CCAR2: variants seen among roughly 807,000 people sequenced by gnomAD.
CCAR2 encodes the protein cell cycle and apoptosis regulator 2.
Under a neutral mutation model 108.1 loss-of-function variants are expected in CCAR2, and 21 were observed. The ratio of observed to expected loss-of-function variants is 0.19; its 90% CI spans 0.14 to 0.28. The LOEUF is 0.28. Among genes scored for constraint, CCAR2 ranks in the 10% least tolerant of loss-of-function variants. CCAR2 has a pLI of 1.00. For synonymous variants in CCAR2, 577 were observed against 472.8 expected, an observed-to-expected ratio of 1.22 and a Z score of -2.86; for missense variants, 1,126 against 1,177.0, an observed-to-expected ratio of 0.96 and a Z score of 0.63.
chr8:22,605,381 A>G (rs1422650424), intron 1 of CCAR2: 1 of 178,868 alleles, frequency 5.6e-6, no homozygotes, highest in African/African-American at 2.4e-5. Context: ...GTGGCGTGGC[A>G]TAGTGAGAGG....
chr8:22,618,569 C>T (rs1801616476), intron 17 of CCAR2, 48 bp from the exon 18 acceptor site: 1 of 1,613,918 alleles, frequency 6.2e-7, no homozygotes, highest in Non-Finnish European at 8.5e-7. Context: ...CCGCCCATGG[C>T]CAGGGTCGGG....
In CCAR2 at chr8:22,618,332, CTTTGT is replaced by C; in HGVS notation, c.2074-13_2074-9del. 2 of 1,614,154 alleles carry C rather than the reference CTTTGT, an allele frequency of 1.2e-6. No homozygotes were observed. The highest frequency in any genetic ancestry group is 1.7e-6 in the Non-Finnish European group (2 of 1,179,978). ...GGAACTATTTGCAAATCCTGCTCAT[CTTTGT>C]TTTCTTTGCAGCCCAAGGAGCTGGA... On this transcript the variant is annotated splice_polypyrimidine_tract_variant and intron_variant, in intron 16 of 20. Coordinates refer to ENST00000308511, the MANE Select transcript of CCAR2 (RefSeq NM_001393997.1).
chr8:22,618,286 C>G lies in CCAR2; in HGVS notation c.2074-63C>G, dbSNP rs920664943. On this transcript the variant is annotated intron_variant, in intron 16 of 20. Coordinates refer to ENST00000308511, the MANE Select transcript of CCAR2 (RefSeq NM_001393997.1). Reference sequence around the variant, plus strand: ...CACTGGATTCTGGACAGGCTGAATCCTGGGCGATAGAGCCACTGAGGGAAC... The same window carrying G: ...CACTGGATTCTGGACAGGCTGAATCGTGGGCGATAGAGCCACTGAGGGAAC... 6 of 1,606,438 alleles carry G rather than the reference C, an allele frequency of 3.7e-6. No individual in the cohort carries two copies. In the Admixed American group the frequency reaches 8.3e-5, roughly 22 times the overall value.
chr8:22,619,490 G>C (rs185276424), intron 20 of CCAR2, 135 bp downstream of exon 20: 913 of 1,402,718 alleles, frequency 6.5e-4, no homozygotes, highest in Admixed American at 1.5e-3. Context: ...TCGCTTGCCA[G>C]GCAGTGTGCC....
At chr8:22,618,090 GTT>G in intron 16 of CCAR2, 2 of 595,578 alleles carry the variant, frequency 3.4e-6, no homozygotes, top group South Asian at 4.1e-5. Flanking sequence ...TTGATGTTTT[GTT>G]TTTTAGAGAC....
Position 22,616,187 on chromosome 8 carries a change from T to G in CCAR2, c.1784T>G (p.Val595Gly). 1 of 1,613,604 alleles carries G rather than the reference T, an allele frequency of 6.2e-7. No homozygotes were observed. Among genetic ancestry groups the G allele is most frequent in the Non-Finnish European group, 8.5e-7 (1 of 1,179,912 alleles). Residue 595 changes from valine to glycine, a missense_variant, in exon 14 of 21, where the codon GTC becomes GGC. By Grantham distance (109) the Val-to-Gly change is moderately radical. Transcript: ENST00000308511. ...KEEEAIKEEV[V>G]KEPKDEAQNE... ...GAAGAAGCCATCAAAGAGGAGGTGG[T>G]CAAGGAGCCCAAGGATGAGGCACAG...
intron 16 of CCAR2, 33 bp downstream of exon 16, chr8:22,617,811 G>C (rs1801586666): frequency 2.5e-6 from 4 of 1,608,666 alleles, no homozygotes; most frequent in East Asian, 2.2e-5. Flanking sequence ...CTGGGTCTCA[G>C]TGGTGGTGAG....
Position 22,619,789 on chromosome 8 carries a change from C to A in CCAR2, c.*107C>A. ...CGAGAGCGAGACCTGGGAGCCAGGGCAGGGGTGGCTGACCCCATGCTCAGC... is the reference window on the plus strand; with the variant it reads ...CGAGAGCGAGACCTGGGAGCCAGGGAAGGGGTGGCTGACCCCATGCTCAGC... On this transcript the variant is annotated 3_prime_UTR_variant, in exon 21 of 21. Transcript: ENST00000308511. The A allele has an allele frequency of 7.9e-7, 1 of 1,265,566 alleles. No individual in the cohort carries two copies. Among genetic ancestry groups the A allele is most frequent in the Non-Finnish European group, 1.1e-6 (1 of 900,526 alleles). 78.4% of individuals were successfully genotyped at this position (1,265,566 alleles called of 1,614,324 possible). A position where few individuals can be genotyped will look rare whatever the true frequency, so the allele number is the denominator to read the frequency against.
At chr8:22,606,460 T>C in intron 3 of CCAR2, 147 bp from the exon 4 acceptor site, 1 of 680,268 alleles carries the variant, frequency 1.5e-6, no homozygotes, top group African/African-American at 1.8e-5. Context: ...TGATGGAGTA[T>C]GCCCACCACA....
intron 3 of CCAR2, among the ~76,000 whole-genome samples, 165 bp from the exon 4 acceptor site, chr8:22,606,442 A>C (rs893400047): frequency 6.6e-6 from 1 of 152,148 alleles, no homozygotes; most frequent in African/African-American, 2.4e-5. Flanking sequence ...ACATGCCCCA[A>C]CCCCTAATGA....
At chr8:22,614,817 A>G (rs199839352) in intron 10 of CCAR2, 21 bp from the exon 11 acceptor site, 1 of 1,611,476 alleles carries the variant, frequency 6.2e-7, no homozygotes, top group Non-Finnish European at 8.5e-7. Context: ...TTTGTTTTGT[A>G]TCCCTGATCT....
In CCAR2 at chr8:22,620,421, T is replaced by G. The variant is rs1017011308; in HGVS notation, c.*739T>G. 2.3e-5 allele frequency: 3 copies of G among 128,844 alleles called. No homozygotes were observed. Among genetic ancestry groups the G allele is most frequent in the African/African-American group, 7.5e-5 (2 of 26,838 alleles). The allele number at this position is 128,844 out of a possible 1,614,324, so 8.0% of individuals were successfully genotyped here. On this transcript the variant is annotated 3_prime_UTR_variant, in exon 21 of 21. Transcript: ENST00000308511. ...GACTTTGTATATAAAGTTGGGGTTT[T>G]TTTTTTTTTTTTTTGGCTTGTTTTT...
At chr8:22,616,546 T>C (rs1241020065) in intron 14 of CCAR2, 9 of 426,288 alleles carry the variant, frequency 2.1e-5, no homozygotes, top group South Asian at 4.8e-5. Context: ...GGCCGGGCGC[T>C]GTAGCTCACC....
At position 22,617,725 on chromosome 8, in the gene CCAR2, C is replaced by G. The variant is rs776652812; in HGVS notation, c.2020C>G (p.Arg674Gly). 6.2e-7 allele frequency: 1 copy of G among 1,614,108 alleles called. No homozygotes were observed. The highest frequency in any genetic ancestry group is 1.1e-5 in the South Asian group (1 of 91,082). Residue 674 changes from arginine (R) to glycine (G), a missense_variant, in exon 16 of 21, where the codon CGG (arginine) becomes GGG (glycine). Transcript: ENST00000308511. ...AGAKLEDSEVRSVASNQSEME... is the reference protein window; with the variant it reads ...AGAKLEDSEVGSVASNQSEME... ...AGCAAAGCTGGAGGATTCGGAGGTCCGGTCCGTTGCCTCAAACCAGTCAGA... is the reference window on the plus strand; with the variant it reads ...AGCAAAGCTGGAGGATTCGGAGGTCGGGTCCGTTGCCTCAAACCAGTCAGA...
Position 22,611,404 on chromosome 8 carries a change from G to GTGTGTGTGTA in CCAR2, c.585-1612_585-1611insGTGTGTGTAT, listed in dbSNP as rs1427803187. The stretch of plus-strand genomic sequence containing the variant: ...AGTATATATATGTGTGTGTGTGTGT[G>GTGTGTGTGTA]TATGTGTGTGTATATATGTGTGTAT... On this transcript the variant is annotated intron_variant, in intron 7 of 20. Coordinates refer to ENST00000308511, the MANE Select transcript of CCAR2 (RefSeq NM_001393997.1). 3.1e-3 allele frequency among the ~76,000 whole-genome samples: 328 copies of GTGTGTGTGTA among 105,138 alleles called. 9 individuals are homozygous for GTGTGTGTGTA. The highest frequency in any genetic ancestry group is 0.011 in the African/African-American group (318 of 29,084). The allele number at this position is 105,138 out of a possible 152,430, so 69.0% of individuals were successfully genotyped here.
At position 22,618,508 on chromosome 8, in the gene CCAR2, C is replaced by T. The variant is rs762520081; in HGVS notation, c.2220+13C>T. The T allele has an allele frequency of 7.4e-6, 12 of 1,614,192 alleles. No homozygotes were observed. In the Admixed American group the frequency reaches 2.0e-4, roughly 27 times the overall value. On this transcript the variant is annotated intron_variant, in intron 17 of 20. Coordinates refer to ENST00000308511, the MANE Select transcript of CCAR2 (RefSeq NM_001393997.1). Reference sequence around the variant, plus strand: ...CAGTGCAGAGCAGGTACCTTCTTTCCTCTGCCCCAGCACATGGGCACAGGC... The same window carrying T: ...CAGTGCAGAGCAGGTACCTTCTTTCTTCTGCCCCAGCACATGGGCACAGGC...
rs1206094187 is a variant in CCAR2 at position 22,606,519 on chromosome 8, G to C, written c.151-88G>C. 6.0e-6 allele frequency: 6 copies of C among 1,007,140 alleles called. No individual in the cohort carries two copies. The Admixed American group carries it at 1.1e-4, about 19-fold the overall frequency. The allele number at this position is 1,007,140 out of a possible 1,614,324, so 62.4% of individuals were successfully genotyped here. A position where few individuals can be genotyped will look rare whatever the true frequency, so the allele number is the denominator to read the frequency against. The stretch of plus-strand genomic sequence containing the variant: ...TCTTGATGCAGTACGCTGAGCTGGG[G>C]CGTGGGTTGAGATGAGACCTTCATG... On this transcript the variant is annotated intron_variant, in intron 3 of 20. Transcript: ENST00000308511.
rs115014172 is a variant in CCAR2, at chr8:22,614,945, C to T, written c.1149C>T (p.Thr383=). 1.2e-4 allele frequency: 193 copies of T among 1,611,190 alleles called. No homozygotes were observed. In the African/African-American group the frequency reaches 1.9e-3, roughly 16 times the overall value. Residue 383 remains threonine (T), a synonymous_variant, in exon 11 of 21, where the codon ACC becomes ACT. Coordinates refer to ENST00000308511, the MANE Select transcript of CCAR2 (RefSeq NM_001393997.1). ...CTGACCCGCAGGTGCTGGTGCGTAC[C>T]GCCATCCGCTGTGCGCAGGCCCAGA... ...PQADPQVLVR[T]AIRCAQAQTG... is the part of the protein sequence containing the mutation.
chr8:22,606,769 C>T (rs1801095736), intron 4 of CCAR2, 71 bp downstream of exon 4: 2 of 1,469,132 alleles, frequency 1.4e-6, no homozygotes, highest in East Asian at 2.3e-5. Flanking sequence ...TGGTATTGCC[C>T]CCACCCGCCT....
Sources: allele counts gnomAD v4.1 joint callset (sites outside exome capture counted in the v4.1 genomes callset), GRCh38; gene constraint gnomAD v4.1.1; transcripts MANE v1.5; gene names NCBI Gene and HGNC (gene_info 2026-07-23, HGNC 2026-07-21).